NR3C1: variants seen among roughly 807,000 people sequenced by gnomAD.
NR3C1 encodes glucocorticoid receptor.
In NR3C1, 14 loss-of-function variants were observed where a neutral mutation model predicts 74.0. That is an observed-to-expected ratio of 0.19 (90% CI 0.12 to 0.30). The LOEUF (loss-of-function observed/expected upper bound fraction) is 0.30. Ranked by LOEUF, NR3C1 falls within the 10% of genes least tolerant of loss-of-function variation. The pLI is 1.00. For synonymous variants in NR3C1, 308 were observed against 332.5 expected (o/e 0.93, Z 0.80); for missense variants, 695 against 909.8 (o/e 0.76, Z 3.04).
chr5:143,340,513 C>T lies in NR3C1; in HGVS notation c.1185-26345G>A, dbSNP rs537395784. On this transcript the variant is annotated intron_variant, in intron 2 of 8. Coordinates refer to ENST00000394464, the MANE Select transcript of NR3C1 (RefSeq NM_000176.3). Reference sequence around the variant, plus strand: ...TTTTTTTTTTTTTGAGACAGAGTCTCGCTCTGTCGCCCAGGCTGGAGTCCA... The same window carrying T: ...TTTTTTTTTTTTTGAGACAGAGTCTTGCTCTGTCGCCCAGGCTGGAGTCCA... Among the ~76,000 whole-genome samples the T allele has an allele frequency of 5.0e-4, 62 of 124,836 alleles. 1 individual carries two copies. Among genetic ancestry groups the T allele is most frequent in the South Asian group, 1.5e-3 (6 of 3,894 alleles). The allele number at this position is 124,836 out of a possible 152,430, so 81.9% of individuals were successfully genotyped here.
At chr5:143,386,087 G>A (rs1837163423) in intron 2 of NR3C1, among the ~76,000 whole-genome samples, 2 of 152,202 alleles carry the variant, frequency 1.3e-5, no homozygotes, top group African/African-American at 4.8e-5. Flanking sequence ...AAGAAACCAT[G>A]TTTTCACATG....
At chr5:143,345,205 T>A (rs923589715) in intron 2 of NR3C1, among the ~76,000 whole-genome samples, 5 of 152,152 alleles carry the variant, frequency 3.3e-5, no homozygotes, top group African/African-American at 1.2e-4. Flanking sequence ...AATGAATGAA[T>A]ACAAATTATT....
chr5:143,302,704 A>G (rs1818759862), intron 4 of NR3C1, among the ~76,000 whole-genome samples: 2 of 152,134 alleles, frequency 1.3e-5, no homozygotes, highest in Non-Finnish European at 1.5e-5. Context: ...CAGAAAGTAC[A>G]ATTGAACCCA....
chr5:143,364,058 G>T (rs571092850), intron 2 of NR3C1, among the ~76,000 whole-genome samples: 1 of 152,006 alleles, frequency 6.6e-6, no homozygotes, highest in Admixed American at 6.6e-5. Flanking sequence ...ACTCCAAGTA[G>T]AACAGACTAA....
chr5:143,350,181 G>A (rs1829986642), intron 2 of NR3C1, among the ~76,000 whole-genome samples: 1 of 152,084 alleles, frequency 6.6e-6, no homozygotes, highest in Non-Finnish European at 1.5e-5. Flanking sequence ...CTAAAGAGGG[G>A]ACTAATCTGA....
At chr5:143,424,242 A>AG (rs70995003) in intron 1 of NR3C1, among the ~76,000 whole-genome samples, 116,514 of 151,814 alleles carry the variant, frequency 0.77, 45,371 homozygotes, top group African/African-American at 0.9. Context: ...AATAAAAAAG[A>AG]GGGGTGTTTA....
intron 4 of NR3C1, among the ~76,000 whole-genome samples, chr5:143,304,439 G>C (rs1216828070): frequency 6.6e-6 from 1 of 152,110 alleles, no homozygotes; most frequent in African/African-American, 2.4e-5. Flanking sequence ...AACATTCCAT[G>C]CTCATGGACT....
chr5:143,381,321 C>T (rs1040923435), intron 2 of NR3C1, among the ~76,000 whole-genome samples: 5 of 151,938 alleles, frequency 3.3e-5, no homozygotes, highest in Admixed American at 2.6e-4. Flanking sequence ...ATAGTCCATG[C>T]TCATGGATTG....
chr5:143,309,005 G>GTGTT lies in NR3C1; in HGVS notation c.1468+1088_1468+1091dup, dbSNP rs999264514. On this transcript the variant is annotated intron_variant, in intron 4 of 8. Coordinates refer to ENST00000394464, the MANE Select transcript of NR3C1 (RefSeq NM_000176.3). The stretch of plus-strand genomic sequence containing the variant: ...GGAAAATTTTTTAATGCTGAGATCA[G>GTGTT]TGTTAATTATACAACTTGTTATATA... Among the ~76,000 whole-genome samples, 124 of 151,446 alleles carry GTGTT rather than the reference G, an allele frequency of 8.2e-4. 1 individual carries two copies. Among genetic ancestry groups the GTGTT allele is most frequent in the African/African-American group, 2.8e-3 (115 of 41,298 alleles).
chr5:143,298,939 T>A (rs971734185), intron 5 of NR3C1, 127 bp from the exon 6 acceptor site: 4 of 834,616 alleles, frequency 4.8e-6, no homozygotes, highest in Non-Finnish European at 7.8e-6. Flanking sequence ...AAAATGGAAA[T>A]TAAATACTAG....
At chr5:143,305,472 T>C (rs1443678964) in intron 4 of NR3C1, among the ~76,000 whole-genome samples, 1 of 152,114 alleles carries the variant, frequency 6.6e-6, no homozygotes, top group Non-Finnish European at 1.5e-5. Flanking sequence ...TGGTTTGCAA[T>C]AGCAAAGACA....
chr5:143,319,378 A>C lies in NR3C1; in HGVS notation c.1185-5210T>G, dbSNP rs180900827. ...TAAGTGAATTAATCAGCAATTTTTC[A>C]GTGTAATGCAAGAAATCTATTTGGG... On this transcript the variant is annotated intron_variant, in intron 2 of 8. Transcript: ENST00000394464. 1.6e-3 allele frequency among the ~76,000 whole-genome samples: 244 copies of C among 152,294 alleles called. 1 individual carries two copies. The highest frequency in any genetic ancestry group is 5.6e-3 in the African/African-American group (233 of 41,580).
At chr5:143,328,954 A>G (rs901364126) in intron 2 of NR3C1, among the ~76,000 whole-genome samples, 1 of 151,978 alleles carries the variant, frequency 6.6e-6, no homozygotes, top group Non-Finnish European at 1.5e-5. Flanking sequence ...AGCCCTCCAA[A>G]CTGTTCTAAC....
At chr5:143,334,879 T>C (rs1261283540) in intron 2 of NR3C1, among the ~76,000 whole-genome samples, 5 of 152,134 alleles carry the variant, frequency 3.3e-5, no homozygotes, top group Non-Finnish European at 1.5e-5. Flanking sequence ...TATAAATAGT[T>C]TATAAGAAGC....
In NR3C1 at chr5:143,279,400, C is replaced by A. The variant is rs749313887; in HGVS notation, c.*2489G>T. 1 of 1,545,358 alleles carries A rather than the reference C, an allele frequency of 6.5e-7. No homozygotes were observed. The highest frequency in any genetic ancestry group is 1.2e-5 in the South Asian group (1 of 80,848). ...TGTGAGATGTGCTTTCTGGTTTTAA[C>A]CACATAACATTCTATAAAGGAATGA... On this transcript the variant is annotated 3_prime_UTR_variant, in exon 9 of 9. Coordinates refer to ENST00000394464, the MANE Select transcript of NR3C1 (RefSeq NM_000176.3).
intron 2 of NR3C1, among the ~76,000 whole-genome samples, chr5:143,368,532 G>A (rs550324065): frequency 5.7e-4 from 73 of 128,752 alleles, no homozygotes; most frequent in Non-Finnish European, 1.1e-3. Context: ...ATATATTCTA[G>A]ATACACACAC....
intron 1 of NR3C1, among the ~76,000 whole-genome samples, chr5:143,428,917 A>G (rs1417815013): frequency 6.6e-6 from 1 of 152,180 alleles, no homozygotes; most frequent in African/African-American, 2.4e-5. Flanking sequence ...TAGGGCACAC[A>G]TTTTGAAAAG....
At chr5:143,292,708 A>G (rs1334172352) in intron 7 of NR3C1, among the ~76,000 whole-genome samples, 1 of 152,120 alleles carries the variant, frequency 6.6e-6, no homozygotes, top group Non-Finnish European at 1.5e-5. Context: ...GCTAGTCCTC[A>G]CTCAGCCTCC....
At chr5:143,291,527 A>ATTACTTTTCTCTAGCCTAAG (rs57155518) in intron 7 of NR3C1, among the ~76,000 whole-genome samples, 3 of 151,934 alleles carry the variant, frequency 2.0e-5, no homozygotes, top group Non-Finnish European at 4.4e-5. Flanking sequence ...CCTGGCTGGG[A>ATTACTTTTCTCTAGCCTAAG]TATATCCTCT....
Sources: gnomAD v4.1 joint callset for allele counts (sites outside exome capture counted in the v4.1 genomes callset) on GRCh38, gnomAD v4.1.1 for gene constraint, MANE v1.5 for transcripts, NCBI Gene and HGNC (gene_info 2026-07-23, HGNC 2026-07-21) for gene names.